Variants in UNC5D observed in about 807,000 individuals in gnomAD.
UNC5D encodes the protein netrin receptor UNC5D.
A neutral mutation model predicts 105.4 loss-of-function variants in UNC5D; 39 were observed. That is an observed-to-expected ratio of 0.37 (90% CI 0.29 to 0.48). The LOEUF is 0.48. Ranked by LOEUF, UNC5D falls within the 20% of genes least tolerant of loss-of-function variation. The probability of loss-of-function intolerance (pLI) is 0.98; values close to 1 mark genes in which losing one functional copy is unlikely to be tolerated. For missense variants in UNC5D, 991 were observed against 1,202.4 expected (o/e 0.82, Z 2.60); for synonymous variants, 452 against 450.4 (o/e 1.00, Z -0.04).
intron 4 of UNC5D, among the ~76,000 whole-genome samples, chr8:35,677,991 TATAG>T (rs1170707361): frequency 3.9e-5 from 6 of 151,940 alleles, no homozygotes; most frequent in African/African-American, 7.3e-5. Context: ...TGTGTGTGTG[TATAG>T]ATAGATACAC....
intron 4 of UNC5D, among the ~76,000 whole-genome samples, chr8:35,673,638 G>A (rs866455507): frequency 3.9e-5 from 6 of 152,234 alleles, no homozygotes; most frequent in Middle Eastern, 3.4e-3. Context: ...TGTATTGAAT[G>A]ACAATATGTT....
At chr8:35,437,456 G>A (rs1302186796) in intron 1 of UNC5D, among the ~76,000 whole-genome samples, 1 of 151,978 alleles carries the variant, frequency 6.6e-6, no homozygotes, top group Non-Finnish European at 1.5e-5. Flanking sequence ...CCATATAATT[G>A]TTCAGCTGAA....
At chr8:35,707,391 A>G (rs2131461242) in intron 8 of UNC5D, among the ~76,000 whole-genome samples, 1 of 152,306 alleles carries the variant, frequency 6.6e-6, no homozygotes, top group Middle Eastern at 3.4e-3. Flanking sequence ...CTACTTAAGT[A>G]TTGGTCCTCT....
chr8:35,566,561 C>T (rs1338989034), intron 2 of UNC5D, among the ~76,000 whole-genome samples: 2 of 152,166 alleles, frequency 1.3e-5, no homozygotes, highest in Non-Finnish European at 2.9e-5. Flanking sequence ...TTAAGAGGCA[C>T]CTGAGCATAG....
intron 1 of UNC5D, among the ~76,000 whole-genome samples, chr8:35,419,098 G>C (rs756402068): frequency 3.3e-5 from 5 of 152,154 alleles, no homozygotes. Flanking sequence ...ACAGCCCCAA[G>C]TATTACAACA....
chr8:35,582,205 C>T (rs1360600874), intron 3 of UNC5D, among the ~76,000 whole-genome samples: 1 of 152,158 alleles, frequency 6.6e-6, no homozygotes, highest in East Asian at 1.9e-4. Flanking sequence ...CTTCCAGTCA[C>T]CAGTCATTGT....
intron 1 of UNC5D, among the ~76,000 whole-genome samples, chr8:35,457,141 G>A (rs112590035): frequency 0.017 from 2,543 of 152,264 alleles, 82 homozygotes; most frequent in African/African-American, 0.058. Context: ...CAAATAGCCT[G>A]TAAAATGACT....
At chr8:35,775,388 T>C (rs1378432430) in intron 16 of UNC5D, among the ~76,000 whole-genome samples, 1 of 152,136 alleles carries the variant, frequency 6.6e-6, no homozygotes, top group Non-Finnish European at 1.5e-5. Context: ...AGATCCATAA[T>C]GGACTTTATT....
chr8:35,272,892 T>G (rs909081219), intron 1 of UNC5D, among the ~76,000 whole-genome samples: 1 of 152,214 alleles, frequency 6.6e-6, no homozygotes, highest in Admixed American at 6.5e-5. Flanking sequence ...TAGTGGGACT[T>G]GAATACTTAT....
intron 1 of UNC5D, among the ~76,000 whole-genome samples, chr8:35,363,616 A>T (rs1801962833): frequency 1.3e-5 from 2 of 152,124 alleles, no homozygotes; most frequent in South Asian, 4.2e-4. Context: ...TTGTATTAGG[A>T]GGCACAATCT....
At chr8:35,477,961 T>C (rs1457672588) in intron 1 of UNC5D, among the ~76,000 whole-genome samples, 2 of 152,146 alleles carry the variant, frequency 1.3e-5, no homozygotes, top group African/African-American at 4.8e-5. Flanking sequence ...GAATGGATTT[T>C]GAATCCCATG....
intron 2 of UNC5D, among the ~76,000 whole-genome samples, chr8:35,553,659 A>G (rs1223691362): frequency 2.6e-5 from 4 of 152,206 alleles, no homozygotes; most frequent in Non-Finnish European, 5.9e-5. Flanking sequence ...CTCTGTATTA[A>G]TAGTAGAATT....
intron 11 of UNC5D, among the ~76,000 whole-genome samples, chr8:35,741,127 AG>A (rs1282882967): frequency 6.6e-6 from 1 of 152,200 alleles, no homozygotes; most frequent in Non-Finnish European, 1.5e-5. Context: ...ATGAAAGATG[AG>A]GCTTAAATTG....
At chr8:35,578,462 T>G (rs1173776874) in intron 3 of UNC5D, among the ~76,000 whole-genome samples, 1 of 152,252 alleles carries the variant, frequency 6.6e-6, no homozygotes, top group African/African-American at 2.4e-5. Context: ...AGCCACCAGA[T>G]AGACATGGCA....
intron 1 of UNC5D, among the ~76,000 whole-genome samples, chr8:35,377,887 T>C (rs1003517229): frequency 2.0e-5 from 3 of 152,192 alleles, no homozygotes; most frequent in African/African-American, 7.2e-5. Context: ...TTCTATGTCC[T>C]TTATTTCTGT....
At chr8:35,365,502 A>G (rs207469055) in intron 1 of UNC5D, among the ~76,000 whole-genome samples, 1 of 148,444 alleles carries the variant, frequency 6.7e-6, no homozygotes, top group Non-Finnish European at 1.5e-5. Context: ...TACAACATGT[A>G]CTGCCACACA....
rs576976670 is a variant in UNC5D at position 35,260,763 on chromosome 8, CA to C, written c.103+24878del. 2.8e-3 allele frequency among the ~76,000 whole-genome samples: 422 copies of C among 152,272 alleles called. 1 individual carries two copies. The highest frequency in any genetic ancestry group is 4.5e-3 in the Non-Finnish European group (307 of 68,014). On this transcript the variant is annotated intron_variant, in intron 1 of 16. Coordinates refer to ENST00000404895, the MANE Select transcript of UNC5D (RefSeq NM_080872.4). The stretch of plus-strand genomic sequence containing the variant: ...GCCTATTATTAAATATAAACTTGAA[CA>C]ATGGCGTAGGGAGCGTGTAGCAGCT...
chr8:35,654,766 A>T (rs372005199), intron 4 of UNC5D, among the ~76,000 whole-genome samples: 80 of 151,562 alleles, frequency 5.3e-4, no homozygotes, highest in Non-Finnish European at 4.3e-4. Flanking sequence ...GGATGGGGGG[A>T]TTTTGACATA....
At chr8:35,704,081 TA>T (rs1827380152) in intron 7 of UNC5D, among the ~76,000 whole-genome samples, 2 of 152,366 alleles carry the variant, frequency 1.3e-5, no homozygotes, top group South Asian at 4.1e-4. Context: ...AAAATCTGAC[TA>T]TGATCATATC....
Sources: allele counts gnomAD v4.1 joint callset (sites outside exome capture counted in the v4.1 genomes callset), GRCh38; gene constraint gnomAD v4.1.1; transcripts MANE v1.5; gene names NCBI Gene and HGNC (gene_info 2026-07-23, HGNC 2026-07-21).